TDRP: variants seen among roughly 807,000 people sequenced by gnomAD.
TDRP encodes the protein testis development related protein, also known as testis development-related protein.
A neutral mutation model predicts 10.5 loss-of-function variants in TDRP; 12 were observed. The observed-to-expected ratio is 1.15, with a 90% CI of 0.73 to 1.86. The LOEUF is 1.86. TDRP is among the 40% of genes most tolerant of loss of function. The pLI, the probability that TDRP is intolerant of heterozygous loss-of-function variation, is 0.00. For missense variants in TDRP, 353 were observed against 229.2 expected (o/e 1.54, Z -3.49); for synonymous variants, 139 against 95.4 (o/e 1.46, Z -2.67).
intron 1 of TDRP, among the ~76,000 whole-genome samples, chr8:531,730 T>C (rs1449245919): frequency 1.3e-5 from 2 of 152,240 alleles, no homozygotes; most frequent in African/African-American, 2.4e-5. Flanking sequence ...AAAATATCAC[T>C]ATAAAACTTT....
intron 1 of TDRP, among the ~76,000 whole-genome samples, chr8:525,568 GAGTTTTTACT>G (rs1199127282): frequency 7.9e-5 from 12 of 152,116 alleles, no homozygotes; most frequent in Non-Finnish European, 1.5e-4. Context: ...TGGAACTGTA[GAGTTTTTACT>G]AGTTTTTGCT....
At chr8:493,638 C>G (rs756600670) in intron 2 of TDRP, among the ~76,000 whole-genome samples, 2 of 152,210 alleles carry the variant, frequency 1.3e-5, no homozygotes. Flanking sequence ...CTTACATTTT[C>G]AACTTTACAC....
intron 1 of TDRP, among the ~76,000 whole-genome samples, chr8:504,519 G>C (rs921294943): frequency 3.9e-5 from 6 of 152,212 alleles, no homozygotes; most frequent in African/African-American, 1.2e-4. Context: ...GGTGGATCCA[G>C]TTTGCAGAAT....
chr8:502,516 A>G (rs1462870593), intron 1 of TDRP, among the ~76,000 whole-genome samples: 1 of 152,224 alleles, frequency 6.6e-6, no homozygotes, highest in Non-Finnish European at 1.5e-5. Context: ...GTCTGACTCA[A>G]AAAACTAGCT....
rs184326627 is a variant in TDRP at position 506,219 on chromosome 8, G to A, written c.109-11622C>T. ...AGGATCTCTGGAAATGCTCCCAAGG[G>A]CACATAGTAAGTGAAGAAATATCTA... is the stretch of plus-strand genomic sequence containing the variant. On this transcript the variant is annotated intron_variant, in intron 1 of 2. Transcript: ENST00000324079. 1.3e-3 allele frequency among the ~76,000 whole-genome samples: 203 copies of A among 152,304 alleles called. 1 individual carries two copies. The highest frequency in any genetic ancestry group is 4.7e-3 in the African/African-American group (194 of 41,574).
chr8:512,475 C>G (rs756752133), intron 1 of TDRP, among the ~76,000 whole-genome samples: 1 of 151,596 alleles, frequency 6.6e-6, no homozygotes, highest in Admixed American at 6.6e-5. Context: ...AATCTTGAAA[C>G]TGACCAAGAA....
intron 1 of TDRP, among the ~76,000 whole-genome samples, chr8:517,188 G>A (rs1032940231): frequency 2.6e-5 from 4 of 152,122 alleles, no homozygotes; most frequent in Admixed American, 2.6e-4. Context: ...GCATCAGTGA[G>A]ATACCAAATT....
chr8:539,525 G>A (rs1166154306), intron 1 of TDRP, among the ~76,000 whole-genome samples: 7 of 152,208 alleles, frequency 4.6e-5, no homozygotes, highest in African/African-American at 1.7e-4. Flanking sequence ...AGCTCTTCAT[G>A]TACTGGTAAG....
intron 1 of TDRP, among the ~76,000 whole-genome samples, chr8:502,093 C>T (rs1030586863): frequency 3.3e-5 from 5 of 152,224 alleles, no homozygotes; most frequent in Admixed American, 6.5e-5. Flanking sequence ...TTCCTGAATA[C>T]TGTGAAAATG....
rs774134140 is a variant in TDRP at position 494,606 on chromosome 8, A to C, written c.109-9T>G. 1 of 1,612,160 alleles carries C rather than the reference A, an allele frequency of 6.2e-7. No homozygotes were observed. Among genetic ancestry groups the C allele is most frequent in the Non-Finnish European group, 8.5e-7 (1 of 1,178,642 alleles). On this transcript the variant is annotated splice_polypyrimidine_tract_variant and intron_variant, in intron 1 of 2. Transcript: ENST00000324079. Reference sequence around the variant, plus strand: ...AAACTTGCTCCCTGAACCTAATAAAAGGTTAAGAAAAATGTCAAATCTGAT... The same window carrying C: ...AAACTTGCTCCCTGAACCTAATAAACGGTTAAGAAAAATGTCAAATCTGAT...
intron 1 of TDRP, among the ~76,000 whole-genome samples, chr8:512,470 T>G (rs1267811316): frequency 1.3e-5 from 2 of 151,828 alleles, no homozygotes; most frequent in Admixed American, 1.3e-4. Flanking sequence ...TGATAAATCT[T>G]GAAACTGACC....
chr8:520,159 G>C (rs1348707281), intron 1 of TDRP, among the ~76,000 whole-genome samples: 3 of 152,202 alleles, frequency 2.0e-5, no homozygotes, highest in Non-Finnish European at 4.4e-5. Context: ...AAGCTGCTCA[G>C]TTACATGACT....
chr8:494,444 A>G, intron 2 of TDRP, 50 bp downstream of exon 2: 4 of 1,555,058 alleles, frequency 2.6e-6, no homozygotes, highest in Non-Finnish European at 3.5e-6. Context: ...CTCCTCAGTG[A>G]CTTCCTCCCT....
chr8:534,971 G>C (rs555220408), intron 1 of TDRP, among the ~76,000 whole-genome samples: 2 of 152,054 alleles, frequency 1.3e-5, no homozygotes, highest in Non-Finnish European at 2.9e-5. Flanking sequence ...ACGACACAAC[G>C]CATTCTGAGT....
rs527495736 is a variant in TDRP, at chr8:513,290, A to T, written c.109-18693T>A. Among the ~76,000 whole-genome samples the T allele has an allele frequency of 6.2e-4, 95 of 152,238 alleles. 1 individual carries two copies. Among genetic ancestry groups the T allele is most frequent in the Middle Eastern group, 3.4e-3 (1 of 294 alleles). ...AAATGCCACCAAACTGAATCCAAAAACATTAAAAAATGAAAAGAATTATGT... is the reference window on the plus strand; with the variant it reads ...AAATGCCACCAAACTGAATCCAAAATCATTAAAAAATGAAAAGAATTATGT... On this transcript the variant is annotated intron_variant, in intron 1 of 2. Transcript: ENST00000324079.
intron 1 of TDRP, among the ~76,000 whole-genome samples, chr8:495,284 G>C (rs568621202): frequency 6.6e-6 from 1 of 152,250 alleles, no homozygotes; most frequent in East Asian, 1.9e-4. Flanking sequence ...ACTGACCTTT[G>C]AGAAGGTTGT....
In TDRP at chr8:544,769, C is replaced by T. The variant is rs756124621; in HGVS notation, c.-12G>A. Reference sequence around the variant, plus strand: ...CCCAGCTTCCACATGGTCAGGCGGGCTCCGGCGTCCCTCCGTCCGTGCGTC... The same window carrying T: ...CCCAGCTTCCACATGGTCAGGCGGGTTCCGGCGTCCCTCCGTCCGTGCGTC... On this transcript the variant is annotated 5_prime_UTR_variant, in exon 1 of 3. Transcript: ENST00000324079. The T allele has an allele frequency of 8.1e-7, 1 of 1,232,530 alleles. No homozygotes were observed. Among genetic ancestry groups the T allele is most frequent in the Non-Finnish European group, 1.0e-6 (1 of 986,058 alleles). 76.3% of individuals were successfully genotyped at this position (1,232,530 alleles called of 1,614,324 possible).
At chr8:523,609 G>A (rs892873382) in intron 1 of TDRP, among the ~76,000 whole-genome samples, 1 of 152,200 alleles carries the variant, frequency 6.6e-6, no homozygotes, top group Non-Finnish European at 1.5e-5. Context: ...GCATTCACGA[G>A]CTGACTAAAG....
At chr8:497,094 G>A (rs1168883937) in intron 1 of TDRP, among the ~76,000 whole-genome samples, 1 of 152,206 alleles carries the variant, frequency 6.6e-6, no homozygotes, top group African/African-American at 2.4e-5. Flanking sequence ...GAGGAGTGCG[G>A]TACTGCTATA....
Sources: gnomAD v4.1 joint callset for allele counts (sites outside exome capture counted in the v4.1 genomes callset) on GRCh38, gnomAD v4.1.1 for gene constraint, MANE v1.5 for transcripts, NCBI Gene and HGNC (gene_info 2026-07-23, HGNC 2026-07-21) for gene names.